NELL2: variants seen among roughly 807,000 people sequenced by gnomAD.
NELL2 encodes the protein protein kinase C-binding protein NELL2.
A neutral mutation model predicts 109.6 loss-of-function variants in NELL2; 41 were observed. That is an observed-to-expected ratio of 0.37 (90% CI 0.29 to 0.49). The LOEUF (loss-of-function observed/expected upper bound fraction) is 0.49. Among genes scored for constraint, NELL2 ranks in the 20% least tolerant of loss-of-function variants. NELL2 has a pLI of 0.98. For synonymous variants in NELL2, 355 were observed against 344.7 expected, an observed-to-expected ratio of 1.03 and a Z score of -0.33; for missense variants, 900 against 1,008.3, an observed-to-expected ratio of 0.89 and a Z score of 1.45.
At chr12:44,518,797 A>C (rs1463882946) in intron 19 of NELL2, among the ~76,000 whole-genome samples, 1 of 152,222 alleles carries the variant, frequency 6.6e-6, no homozygotes. Flanking sequence ...GTTTCAAGAT[A>C]TGCACTATTA....
At chr12:44,911,794 T>C (rs533823) in intron 1 of NELL2, among the ~76,000 whole-genome samples, 3,424 of 151,850 alleles carry the variant, frequency 0.023, 141 homozygotes, top group African/African-American at 0.078. Context: ...TACAAAATTC[T>C]AGGGGACCAA....
At chr12:44,746,566 A>ACCCAGAAT (rs1940370803) in intron 9 of NELL2, among the ~76,000 whole-genome samples, 1 of 152,236 alleles carries the variant, frequency 6.6e-6, no homozygotes, top group Non-Finnish European at 1.5e-5. Context: ...AAGGGCTAAT[A>ACCCAGAAT]CCCAGAATCT....
chr12:44,721,136 T>C (rs1254167940), intron 9 of NELL2, among the ~76,000 whole-genome samples: 1 of 152,240 alleles, frequency 6.6e-6, no homozygotes, highest in Non-Finnish European at 1.5e-5. Context: ...GCACACGCTA[T>C]TGCTGTAAGC....
intron 2 of NELL2, among the ~76,000 whole-genome samples, chr12:44,845,910 C>A (rs1413440321): frequency 6.6e-6 from 1 of 152,272 alleles, no homozygotes; most frequent in East Asian, 1.9e-4. Flanking sequence ...TGGACTGCCT[C>A]GTCTCTATTC....
intron 1 of NELL2, among the ~76,000 whole-genome samples, chr12:44,900,840 T>C (rs1181734056): frequency 6.6e-6 from 1 of 152,004 alleles, no homozygotes; most frequent in East Asian, 1.9e-4. Flanking sequence ...AATACAAAAA[T>C]TGGCTGGGTG....
chr12:44,595,697 T>G (rs999633220), intron 15 of NELL2, among the ~76,000 whole-genome samples: 8 of 150,898 alleles, frequency 5.3e-5, no homozygotes, highest in Non-Finnish European at 7.4e-5. Context: ...CGCCTCGGCC[T>G]CCCAAAGTGC....
chr12:44,715,689 A>C (rs1313837421), intron 9 of NELL2, among the ~76,000 whole-genome samples: 3 of 152,126 alleles, frequency 2.0e-5, no homozygotes, highest in Non-Finnish European at 2.9e-5. Context: ...TAACATCTAG[A>C]TCTACCCCAA....
At chr12:44,711,212 G>T (rs1485689956) in intron 11 of NELL2, 80 bp downstream of exon 11, 2 of 1,053,740 alleles carry the variant, frequency 1.9e-6, no homozygotes, top group Non-Finnish European at 2.9e-6. Flanking sequence ...TTGCTTATGA[G>T]AATTTCTACT....
At chr12:44,901,010 C>CAAAACAAAAA (rs1293560234) in intron 1 of NELL2, among the ~76,000 whole-genome samples, 14 of 151,588 alleles carry the variant, frequency 9.2e-5, no homozygotes, top group African/African-American at 3.2e-4. Flanking sequence ...CAAAACAAAA[C>CAAAACAAAAA]AAAACAAAAC....
chr12:44,676,751 T>C (rs1948333748), intron 12 of NELL2, among the ~76,000 whole-genome samples: 1 of 151,920 alleles, frequency 6.6e-6, no homozygotes, highest in Admixed American at 6.6e-5. Context: ...ACTAGGAAAA[T>C]CTCAGACAGG....
chr12:44,857,895 A>C (rs925604595), intron 2 of NELL2, among the ~76,000 whole-genome samples: 1 of 152,114 alleles, frequency 6.6e-6, no homozygotes, highest in African/African-American at 2.4e-5. Flanking sequence ...GTAGAACAGA[A>C]GATGCTTTAG....
intron 9 of NELL2, among the ~76,000 whole-genome samples, chr12:44,765,634 A>C (rs1158439413): frequency 6.9e-6 from 1 of 145,170 alleles, no homozygotes; most frequent in African/African-American, 2.9e-5. Flanking sequence ...TATTCTGACA[A>C]ATAGATATGT....
chr12:44,664,860 T>C (rs1947870110), intron 13 of NELL2, among the ~76,000 whole-genome samples: 1 of 152,072 alleles, frequency 6.6e-6, no homozygotes, highest in African/African-American at 2.4e-5. Flanking sequence ...TGTTTTGTTT[T>C]CATATTCTAC....
chr12:44,876,073 T>A lies in NELL2; in HGVS notation c.-204A>T. 1.4e-6 allele frequency: 2 copies of A among 1,395,610 alleles called. No homozygotes were observed. The highest frequency in any genetic ancestry group is 2.7e-5 in the East Asian group (1 of 36,956). 86.5% of individuals were successfully genotyped at this position (1,395,610 alleles called of 1,614,324 possible). On this transcript the variant is annotated 5_prime_UTR_variant, in exon 1 of 20. Coordinates refer to ENST00000429094, the MANE Select transcript of NELL2 (RefSeq NM_001145108.2). Reference sequence around the variant, plus strand: ...CGCGTGAAGAACTTAGACCCTCCAATGCGCACATCATTCCCACACGCAGGG... The same window carrying A: ...CGCGTGAAGAACTTAGACCCTCCAAAGCGCACATCATTCCCACACGCAGGG...
intron 1 of NELL2, among the ~76,000 whole-genome samples, chr12:44,910,095 T>A (rs577770447): frequency 6.6e-6 from 1 of 151,900 alleles, no homozygotes; most frequent in Non-Finnish European, 1.5e-5. Flanking sequence ...GACTAAGTCC[T>A]CAAAAGCAAT....
chr12:44,821,688 A>G (rs2136698437), intron 2 of NELL2, among the ~76,000 whole-genome samples: 1 of 152,044 alleles, frequency 6.6e-6, no homozygotes, highest in African/African-American at 2.4e-5. Context: ...AATTAATTTT[A>G]CTTTATTTCT....
chr12:44,693,651 A>G (rs539862303), intron 12 of NELL2, among the ~76,000 whole-genome samples: 91 of 152,320 alleles, frequency 6.0e-4, no homozygotes, highest in Admixed American at 1.7e-3. Flanking sequence ...ATGGTGTTCA[A>G]GTTTAGAAAT....
chr12:44,581,256 G>A (rs1294622766), intron 15 of NELL2, among the ~76,000 whole-genome samples: 1 of 152,132 alleles, frequency 6.6e-6, no homozygotes, highest in Non-Finnish European at 1.5e-5. Flanking sequence ...TATAGGAAAA[G>A]TAGTCAGAGC....
chr12:44,851,335 G>A (rs1355038606), intron 2 of NELL2, among the ~76,000 whole-genome samples: 1 of 151,862 alleles, frequency 6.6e-6, no homozygotes, highest in Non-Finnish European at 1.5e-5. Flanking sequence ...TAAACTTCAG[G>A]AAGAATTTGC....
Sources: gnomAD v4.1 joint callset for allele counts (sites outside exome capture counted in the v4.1 genomes callset) on GRCh38, gnomAD v4.1.1 for gene constraint, MANE v1.5 for transcripts, NCBI Gene and HGNC (gene_info 2026-07-23, HGNC 2026-07-21) for gene names.